The following OPN4 variants were observed in gnomAD, a reference collection of about 807,000 sequenced individuals.
The protein encoded by OPN4 is melanopsin.
OPN4 carries 43 observed loss-of-function variants against 49.5 expected under a neutral mutation model. That is an observed-to-expected ratio of 0.87 (90% confidence interval 0.68 to 1.12). The LOEUF is 1.12. OPN4 is among the 50% of genes most tolerant of loss of function. OPN4 has a pLI of 0.00. For synonymous variants in OPN4, 263 were observed against 258.0 expected (o/e 1.02, Z -0.19); for missense variants, 657 against 643.9 (o/e 1.02, Z -0.22).
At chr10:86,655,392 C>A (rs980382678) in intron 1 of OPN4, among the ~76,000 whole-genome samples, 3 of 152,180 alleles carry the variant, frequency 2.0e-5, no homozygotes. Flanking sequence ...GCCGAGGGCA[C>A]CCTCAGGACC....
At chr10:86,659,828 G>A in intron 5 of OPN4, 67 bp from the exon 6 acceptor site, 1 of 1,535,328 alleles carries the variant, frequency 6.5e-7, no homozygotes, top group Non-Finnish European at 9.0e-7. Context: ...CTCCCCAACA[G>A]CAGCCGTGAC....
Position 86,661,232 on chromosome 10 carries a change from T to A in OPN4, c.966-49T>A, listed in dbSNP as rs372216642. On this transcript the variant is annotated intron_variant, in intron 6 of 9. Coordinates refer to ENST00000241891, the MANE Select transcript of OPN4 (RefSeq NM_033282.4). The stretch of plus-strand genomic sequence containing the variant: ...GCAGGGCCTGGCCCAGAAGAGAAGG[T>A]GTGTCAGGAGGGCCAGCTAGCTTGG... 42 of 1,451,298 alleles carry A rather than the reference T, an allele frequency of 2.9e-5. No individual in the cohort carries two copies. The African/African-American group carries it at 5.5e-4, about 19-fold the overall frequency. 89.9% of individuals were successfully genotyped at this position (1,451,298 alleles called of 1,614,324 possible). A position where few individuals can be genotyped will look rare whatever the true frequency, so the allele number is the denominator to read the frequency against.
chr10:86,659,879 G>A lies in OPN4; in HGVS notation c.801-16G>A, dbSNP rs751283334. On this transcript the variant is annotated splice_polypyrimidine_tract_variant and intron_variant, in intron 5 of 9. Transcript: ENST00000241891. ...CACCCGACTAGGGTCAGACCTGGAC[G>A]ATGCGTCCTTCCTAGGGCTCTCCAG... is the stretch of plus-strand genomic sequence containing the variant. The A allele has an allele frequency of 1.9e-5, 30 of 1,613,610 alleles. No individual in the cohort carries two copies. The highest frequency in any genetic ancestry group is 1.1e-4 in the East Asian group (5 of 44,886).
Position 86,654,679 on chromosome 10 carries a change from T to A in OPN4, c.-105T>A. 4 of 1,469,002 alleles carry A rather than the reference T, an allele frequency of 2.7e-6. No individual in the cohort carries two copies. The highest frequency in any genetic ancestry group is 3.7e-6 in the Non-Finnish European group (4 of 1,082,132). The allele number at this position is 1,469,002 out of a possible 1,614,324, so 91.0% of individuals were successfully genotyped here. A position where few individuals can be genotyped will look rare whatever the true frequency, so the allele number is the denominator to read the frequency against. On this transcript the variant is annotated 5_prime_UTR_variant, in exon 1 of 10. Transcript: ENST00000241891. ...AAGCAGCGGGTAGGCTAAGCAGGGGTGCTGAGGATGGAGGAAAGTTGGGAG... is the reference window on the plus strand; with the variant it reads ...AAGCAGCGGGTAGGCTAAGCAGGGGAGCTGAGGATGGAGGAAAGTTGGGAG...
intron 8 of OPN4, among the ~76,000 whole-genome samples, chr10:86,663,212 C>T (rs1047674550): frequency 3.9e-5 from 6 of 152,156 alleles, no homozygotes; most frequent in Non-Finnish European, 7.3e-5. Context: ...TGGGCCTCAG[C>T]AAGACTGCCG....
At chr10:86,656,022 G>A in intron 1 of OPN4, 133 bp from the exon 2 acceptor site, 1 of 1,124,010 alleles carries the variant, frequency 8.9e-7, no homozygotes, top group East Asian at 2.5e-5. Context: ...TGAGCTGTGT[G>A]TGCAACTGGC....
intron 5 of OPN4, 48 bp downstream of exon 5, chr10:86,659,516 C>A (rs780477673): frequency 1.3e-6 from 2 of 1,581,380 alleles, no homozygotes; most frequent in East Asian, 4.6e-5. Context: ...ACCGGCCCCT[C>A]GGCCAGGCGG....
rs371665178 is a variant in OPN4 at position 86,659,358 on chromosome 10, G to A, written c.690G>A (p.Pro230=). ...SCSWDYMSFT[P]AVRAYTMLLC... ...CCTGGGACTACATGAGCTTCACGCC[G>A]GCCGTGCGTGCCTACACCATGCTTC... The change falls in exon 5 of 10, where the codon CCG becomes CCA. Residue 230 remains proline, a synonymous_variant. Coordinates refer to ENST00000241891, the MANE Select transcript of OPN4 (RefSeq NM_033282.4). 2.2e-5 allele frequency: 36 copies of A among 1,613,946 alleles called. No homozygotes were observed. The highest frequency in any genetic ancestry group is 2.1e-4 in the African/African-American group (16 of 75,064).
intron 9 of OPN4, among the ~76,000 whole-genome samples, chr10:86,664,338 G>A (rs1334400789): frequency 6.6e-6 from 1 of 152,214 alleles, no homozygotes; most frequent in Non-Finnish European, 1.5e-5. Flanking sequence ...TGGGGAGGAA[G>A]GGGCTGTAAG....
At position 86,662,301 on chromosome 10, in the gene OPN4, T is replaced by A; in HGVS notation, c.1123T>A (p.Ser375Thr). Residue 375 changes from serine (S) to threonine (T), a missense_variant, in exon 8 of 10, where the codon TCA becomes ACA. Ser to Thr is a moderately conservative substitution (Grantham distance 58, BLOSUM62 1). Coordinates refer to ENST00000241891, the MANE Select transcript of OPN4 (RefSeq NM_033282.4). Reference sequence around the variant, plus strand: ...CTGCCTGGGGGTGCTGCTGGGTGTATCACGCCGGCACAGTCGCCCCTACCC... The same window carrying A: ...CTGCCTGGGGGTGCTGCTGGGTGTAACACGCCGGCACAGTCGCCCCTACCC... ...LPCLGVLLGV[S>T]RRHSRPYPSY... 3 of 1,608,980 alleles carry A rather than the reference T, an allele frequency of 1.9e-6. No individual in the cohort carries two copies. Among genetic ancestry groups the A allele is most frequent in the South Asian group, 2.2e-5 (2 of 89,810 alleles).
rs1018024833 is a variant in OPN4 at position 86,654,659 on chromosome 10, G to A, written c.-125G>A. 7.4e-7 allele frequency: 1 copy of A among 1,354,098 alleles called. No homozygotes were observed. The highest frequency in any genetic ancestry group is 1.0e-6 in the Non-Finnish European group (1 of 988,706). The allele number at this position is 1,354,098 out of a possible 1,614,324, so 83.9% of individuals were successfully genotyped here. On this transcript the variant is annotated 5_prime_UTR_variant, in exon 1 of 10. Transcript: ENST00000241891. ...TCTGCGCCGGACACAGGAGAAAGCA[G>A]CGGGTAGGCTAAGCAGGGGTGCTGA...
rs1260278651 is a variant in OPN4, at chr10:86,665,755, G to A, written c.*4G>A. The A allele has an allele frequency of 4.3e-6, 7 of 1,611,590 alleles. No homozygotes were observed. The highest frequency in any genetic ancestry group is 2.2e-5 in the East Asian group (1 of 44,862). On this transcript the variant is annotated 3_prime_UTR_variant, in exon 10 of 10. Coordinates refer to ENST00000241891, the MANE Select transcript of OPN4 (RefSeq NM_033282.4). ...CAGCCAGGACCCCAGGATGTAGGAC[G>A]CCCACTGGCTCTCCCTTTCTTCTGA...
Position 86,654,809 on chromosome 10 carries a change from T to TGCCC in OPN4, c.26_27insGCCC (p.Ser12AlafsTer54). 20 of 1,554,686 alleles carry TGCCC rather than the reference T, an allele frequency of 1.3e-5. No homozygotes were observed. Among genetic ancestry groups the TGCCC allele is most frequent in the Non-Finnish European group, 1.7e-5 (19 of 1,128,648 alleles). ...ATGAACCCTCCTTCGGGGCCAAGAG[T>TGCCC]CCCGCCCAGCCCAACCCAAGAGCCC... On this transcript the variant is annotated frameshift_variant, in exon 1 of 10. Transcript: ENST00000241891. LOFTEE classifies it high-confidence loss of function.
chr10:86,657,205 C>T (rs370346417), intron 2 of OPN4: 4 of 780,756 alleles, frequency 5.1e-6, no homozygotes, highest in East Asian at 2.4e-5. Flanking sequence ...AGCTGTGCTT[C>T]GTGGAGTCAC....
At chr10:86,665,653 G>A (rs1844147359) in intron 9 of OPN4, 60 bp from the exon 10 acceptor site, 13 of 1,459,946 alleles carry the variant, frequency 8.9e-6, no homozygotes, top group South Asian at 3.5e-5. Flanking sequence ...GAGGGTCATC[G>A]GGAGACTGCC....
intron 5 of OPN4, 123 bp downstream of exon 5, chr10:86,659,591 T>C: frequency 7.4e-7 from 1 of 1,344,884 alleles, no homozygotes; most frequent in African/African-American, 1.5e-5. Context: ...GAAGGCAAGC[T>C]GAGCAAGTGC....
At chr10:86,663,091 G>C (rs1399939348) in intron 8 of OPN4, among the ~76,000 whole-genome samples, 2 of 152,222 alleles carry the variant, frequency 1.3e-5, no homozygotes, top group Admixed American at 1.3e-4. Context: ...GCCCTCCTCA[G>C]GGCCTGCAGC....
intron 7 of OPN4, among the ~76,000 whole-genome samples, chr10:86,661,817 G>A (rs535450845): frequency 3.6e-4 from 54 of 151,444 alleles, no homozygotes; most frequent in African/African-American, 9.9e-4. Context: ...ATAGCAACCC[G>A]GCAAGGCTGC....
At chr10:86,657,961 G>A in intron 2 of OPN4, 71 bp from the exon 3 acceptor site, 2 of 1,526,090 alleles carry the variant, frequency 1.3e-6, no homozygotes, top group East Asian at 4.5e-5. Flanking sequence ...GCATACCTGA[G>A]GGGTGCGGGA....
Sources: allele counts gnomAD v4.1 joint callset (sites outside exome capture counted in the v4.1 genomes callset), GRCh38; gene constraint gnomAD v4.1.1; transcripts MANE v1.5; gene names NCBI Gene and HGNC (gene_info 2026-07-23, HGNC 2026-07-21).